OBI1: variants seen among roughly 807,000 people sequenced by gnomAD.
OBI1 encodes the protein ring finger protein 219.
Under a neutral mutation model 62.4 loss-of-function variants are expected in OBI1, and 59 were observed. The ratio of observed to expected loss-of-function variants is 0.95; its 90% CI spans 0.77 to 1.17. The LOEUF (loss-of-function observed/expected upper bound fraction) is 1.17. Among genes scored for constraint, OBI1 ranks in the 50% most tolerant of loss-of-function variants. OBI1 has a pLI of 0.00. For missense variants in OBI1, 875 were observed against 830.9 expected (o/e 1.05, Z -0.65); for synonymous variants, 302 against 292.8 (o/e 1.03, Z -0.32).
At chr13:78,626,923 G>A (rs184321708) in intron 5 of OBI1, among the ~76,000 whole-genome samples, 29 of 152,108 alleles carry the variant, frequency 1.9e-4, no homozygotes, top group African/African-American at 5.5e-4. Context: ...AAAATTAGCC[G>A]GGCATGGTGG....
At chr13:78,654,701 G>A (rs1231381866) in intron 1 of OBI1, among the ~76,000 whole-genome samples, 1 of 152,176 alleles carries the variant, frequency 6.6e-6, no homozygotes, top group Non-Finnish European at 1.5e-5. Flanking sequence ...TCTACTAGAG[G>A]ATACTCCAAG....
Position 78,615,461 on chromosome 13 carries a change from T to TC in OBI1, c.*118_*119insG, listed in dbSNP as rs1566272825. ...AGGTTAATCCACCATCCTGACTTGA[T>TC]ACTTGACTAAAGATTATCAATTCCA... On this transcript the variant is annotated 3_prime_UTR_variant, in exon 6 of 6. Coordinates refer to ENST00000282003, the MANE Select transcript of OBI1 (RefSeq NM_024546.4). 37 of 690,090 alleles carry TC rather than the reference T, an allele frequency of 5.4e-5. No individual in the cohort carries two copies. The highest frequency in any genetic ancestry group is 7.8e-5 in the Non-Finnish European group (32 of 410,304). The allele number at this position is 690,090 out of a possible 1,614,324, so 42.7% of individuals were successfully genotyped here.
intron 5 of OBI1, among the ~76,000 whole-genome samples, chr13:78,630,253 T>C (rs1206842834): frequency 6.6e-6 from 1 of 152,166 alleles, no homozygotes; most frequent in African/African-American, 2.4e-5. Flanking sequence ...GCAGGGACCA[T>C]GTTTTGCTGG....
intron 1 of OBI1, among the ~76,000 whole-genome samples, chr13:78,656,792 A>ATTTTTTTTTTTTTTTTTTTT (rs869148028): frequency 4.5e-5 from 3 of 67,196 alleles, no homozygotes; most frequent in African/African-American, 6.5e-5. Flanking sequence ...TTTATTTTTA[A>ATTTTTTTTTTTTTTTTTTTT]TTTTTTTTTT....
At chr13:78,649,913 T>C (rs1365736142) in intron 1 of OBI1, among the ~76,000 whole-genome samples, 3 of 152,196 alleles carry the variant, frequency 2.0e-5, no homozygotes, top group Non-Finnish European at 4.4e-5. Context: ...TCATCAAATA[T>C]GAGGTGAAGT....
chr13:78,629,841 C>T (rs1327066220), intron 5 of OBI1, among the ~76,000 whole-genome samples: 2 of 151,944 alleles, frequency 1.3e-5, no homozygotes, highest in East Asian at 1.9e-4. Context: ...AGTCATGCTA[C>T]CAAACTATAA....
Position 78,636,396 on chromosome 13 carries a change from A to G in OBI1, c.550-1198T>C, listed in dbSNP as rs145362958. On this transcript the variant is annotated intron_variant, in intron 4 of 5. Transcript: ENST00000282003. Reference sequence around the variant, plus strand: ...ACCAGAACATTTACATTTAAAGTGAATGGGTCACAAGAATAACTGTCACCA... The same window carrying G: ...ACCAGAACATTTACATTTAAAGTGAGTGGGTCACAAGAATAACTGTCACCA... Among the ~76,000 whole-genome samples, 52 of 152,372 alleles carry G rather than the reference A, an allele frequency of 3.4e-4. No homozygotes were observed. In the East Asian group the frequency reaches 8.3e-3, roughly 24 times the overall value.
rs370212589 is a variant in OBI1, at chr13:78,616,034, A to G, written c.1727T>C (p.Phe576Ser). The change falls in exon 6 of 6, where the codon TTT (phenylalanine) becomes TCT (serine). Residue 576 changes from phenylalanine (F) to serine (S), a missense_variant. By Grantham distance (155) the Phe-to-Ser change is radical. Transcript: ENST00000282003. ...GLSKSSQGSEFLEEPDKLEEK... is the reference protein window; with the variant it reads ...GLSKSSQGSESLEEPDKLEEK... Reference sequence around the variant, plus strand: ...TTCCAACTTATCAGGTTCCTCAAGAAATTCACTGCCTTGAGATGACTTTGA... The same window carrying G: ...TTCCAACTTATCAGGTTCCTCAAGAGATTCACTGCCTTGAGATGACTTTGA... The G allele has an allele frequency of 1.9e-4, 310 of 1,614,156 alleles. 1 individual carries two copies. The highest frequency in any genetic ancestry group is 1.6e-3 in the Middle Eastern group (10 of 6,062).
chr13:78,638,594 C>T (rs1419463755), intron 4 of OBI1, among the ~76,000 whole-genome samples: 1 of 152,110 alleles, frequency 6.6e-6, no homozygotes, highest in Non-Finnish European at 1.5e-5. Flanking sequence ...TATACAGAAG[C>T]ACAACAGTCT....
At position 78,616,264 on chromosome 13, in the gene OBI1, C is replaced by G; in HGVS notation, c.1497G>C (p.Leu499Phe). ...ANSVGEISSK[L>F]SEKSGLCLSK... ...ATAAACATAAGCCTGATTTCTCACT[C>G]AATTTTGAAGATATTTCTCCAACAG... Residue 499 changes from leucine (L) to phenylalanine (F), a missense_variant, in exon 6 of 6, where the codon TTG (leucine) becomes TTC (phenylalanine). Leu to Phe is a conservative substitution (Grantham distance 22). Coordinates refer to ENST00000282003, the MANE Select transcript of OBI1 (RefSeq NM_024546.4). 6.2e-7 allele frequency: 1 copy of G among 1,613,704 alleles called. No individual in the cohort carries two copies. Among genetic ancestry groups the G allele is most frequent in the Non-Finnish European group, 8.5e-7 (1 of 1,179,712 alleles).
chr13:78,620,136 T>C (rs899354044), intron 5 of OBI1, among the ~76,000 whole-genome samples: 23 of 152,188 alleles, frequency 1.5e-4, no homozygotes, highest in Admixed American at 6.5e-5. Flanking sequence ...GTCAGGAAAT[T>C]TTCAGCTTAT....
In OBI1 at chr13:78,622,287, A is replaced by T. The variant is rs573217713; in HGVS notation, c.639-5165T>A. Among the ~76,000 whole-genome samples, 243 of 152,250 alleles carry T rather than the reference A, an allele frequency of 1.6e-3. 1 individual carries two copies. The highest frequency in any genetic ancestry group is 3.4e-3 in the Middle Eastern group (1 of 294). On this transcript the variant is annotated intron_variant, in intron 5 of 5. Transcript: ENST00000282003. ...ATGAGATCATGTCTCTCCAAAAAAA[A>T]AAATATATATCAGGCACAGAAGCAT...
intron 3 of OBI1, among the ~76,000 whole-genome samples, chr13:78,639,292 T>C (rs2137453676): frequency 6.6e-6 from 1 of 152,340 alleles, no homozygotes; most frequent in Middle Eastern, 3.4e-3. Flanking sequence ...TTGCCTTCAT[T>C]TTAATTCAAT....
rs182848827 is a variant in OBI1 at position 78,644,953 on chromosome 13, C to A, written c.117G>T (p.Ser39=). The A allele has an allele frequency of 6.8e-6, 11 of 1,613,660 alleles. No individual in the cohort carries two copies. The highest frequency in any genetic ancestry group is 9.3e-6 in the Non-Finnish European group (11 of 1,179,790). The change falls in exon 2 of 6, where the codon TCG becomes TCT. Residue 39 remains serine (S), a synonymous_variant. Transcript: ENST00000282003. The stretch of plus-strand genomic sequence containing the variant: ...TCTTCAACCACAAATCAATACAAAT[C>A]GAACAAAATACATGGTTGTTGATGC... The part of the protein sequence containing the change: ...VICINNHVFC[S]ICIDLWLKNN...
intron 2 of OBI1, among the ~76,000 whole-genome samples, chr13:78,643,314 G>GT (rs1876274884): frequency 6.6e-6 from 1 of 151,876 alleles, no homozygotes; most frequent in Non-Finnish European, 1.5e-5. Context: ...AATTCAGCAG[G>GT]TAAAAAAAAA....
At chr13:78,626,374 T>C (rs1263347285) in intron 5 of OBI1, among the ~76,000 whole-genome samples, 1 of 152,194 alleles carries the variant, frequency 6.6e-6, no homozygotes, top group African/African-American at 2.4e-5. Flanking sequence ...TACACAAATG[T>C]GCATTTAAAA....
chr13:78,642,467 G>A (rs1876248583), intron 2 of OBI1, among the ~76,000 whole-genome samples: 1 of 152,094 alleles, frequency 6.6e-6, no homozygotes, highest in Non-Finnish European at 1.5e-5. Context: ...TCTTATCACA[G>A]CAAACTCAGT....
At chr13:78,619,753 T>C (rs1216962193) in intron 5 of OBI1, among the ~76,000 whole-genome samples, 1 of 152,196 alleles carries the variant, frequency 6.6e-6, no homozygotes. Context: ...TTATATTCAC[T>C]GCCAGATTCC....
chr13:78,621,996 T>G (rs1875527356), intron 5 of OBI1, among the ~76,000 whole-genome samples: 1 of 152,230 alleles, frequency 6.6e-6, no homozygotes, highest in African/African-American at 2.4e-5. Flanking sequence ...TTCTCAATAT[T>G]TCTCATGTTT....
Sources: gnomAD v4.1 joint callset for allele counts (sites outside exome capture counted in the v4.1 genomes callset) on GRCh38, gnomAD v4.1.1 for gene constraint, MANE v1.5 for transcripts, NCBI Gene and HGNC (gene_info 2026-07-23, HGNC 2026-07-21) for gene names.